Variants in WWOX observed in about 807,000 individuals in gnomAD.
WWOX encodes the protein WW domain-containing oxidoreductase.
A neutral mutation model predicts 46.2 loss-of-function variants in WWOX; 69 were observed. The observed-to-expected ratio is 1.49, with a 90% CI of 1.23 to 1.82. The LOEUF is 1.82. WWOX is among the 40% of genes most tolerant of loss of function. WWOX has a pLI of 0.00. For missense variants in WWOX, 919 were observed against 542.6 expected, an observed-to-expected ratio of 1.69 and a Z score of -6.89; for synonymous variants, 359 against 202.6, an observed-to-expected ratio of 1.77 and a Z score of -6.56.
intron 8 of WWOX, among the ~76,000 whole-genome samples, chr16:78,982,853 G>C (rs961415069): frequency 2.0e-5 from 3 of 152,086 alleles, no homozygotes; most frequent in African/African-American, 7.2e-5. Context: ...TCCTTCCTGT[G>C]ATGGCTAAAC....
Position 78,528,165 on chromosome 16 carries a change from ATTT to A in WWOX, c.1056+95433_1056+95435del, listed in dbSNP as rs56803717. Among the ~76,000 whole-genome samples the A allele has an allele frequency of 1.6e-3, 93 of 58,394 alleles. 2 individuals are homozygous for A. The highest frequency in any genetic ancestry group is 7.6e-3 in the African/African-American group (91 of 11,960). 38.3% of individuals were successfully genotyped at this position (58,394 alleles called of 152,430 possible). A position where few individuals can be genotyped will look rare whatever the true frequency, so the allele number is the denominator to read the frequency against. On this transcript the variant is annotated intron_variant, in intron 8 of 8. Coordinates refer to ENST00000566780, the MANE Select transcript of WWOX (RefSeq NM_016373.4). ...AGGTGCCCGCCACCACACCTGGCTA[ATTT>A]TTTTTTTTTTTTTTTTTTTGCATTT...
intron 5 of WWOX, among the ~76,000 whole-genome samples, chr16:78,197,058 G>T (rs1205580704): frequency 2.0e-5 from 3 of 152,198 alleles, no homozygotes; most frequent in African/African-American, 4.8e-5. Flanking sequence ...GTTAGTGGGA[G>T]TTGAGAGCCA....
At position 78,426,915 on chromosome 16, in the gene WWOX, G is replaced by C. The variant is rs538402151; in HGVS notation, c.791+1860G>C. Among the ~76,000 whole-genome samples the C allele has an allele frequency of 1.2e-4, 19 of 152,302 alleles. No individual in the cohort carries two copies. In the South Asian group the frequency reaches 3.7e-3, roughly 30 times the overall value. On this transcript the variant is annotated intron_variant, in intron 7 of 8. Transcript: ENST00000566780. Reference sequence around the variant, plus strand: ...TTGACCTTGTGATCCGCCTGCCTTGGCTTCTCACAGTGCTGTGATTACAGG... The same window carrying C: ...TTGACCTTGTGATCCGCCTGCCTTGCCTTCTCACAGTGCTGTGATTACAGG...
At chr16:78,865,408 C>A (rs1245335998) in intron 8 of WWOX, among the ~76,000 whole-genome samples, 1 of 152,222 alleles carries the variant, frequency 6.6e-6, no homozygotes, top group Non-Finnish European at 1.5e-5. Flanking sequence ...TAAATCTTTA[C>A]ACTCCAGTGG....
intron 1 of WWOX, among the ~76,000 whole-genome samples, chr16:78,102,787 A>T (rs192795259): frequency 5.3e-4 from 80 of 151,946 alleles, no homozygotes; most frequent in Middle Eastern, 6.8e-3. Context: ...TGTTCATCTG[A>T]GTGTCCCCAG....
intron 8 of WWOX, among the ~76,000 whole-genome samples, chr16:78,653,647 C>G (rs1422475079): frequency 6.6e-6 from 1 of 152,218 alleles, no homozygotes; most frequent in Non-Finnish European, 1.5e-5. Context: ...TTGAAAATGA[C>G]CCTGTGTAGG....
At chr16:78,475,935 T>G (rs1271620992) in intron 8 of WWOX, among the ~76,000 whole-genome samples, 7 of 152,194 alleles carry the variant, frequency 4.6e-5, no homozygotes, top group Non-Finnish European at 8.8e-5. Flanking sequence ...ATGTGTCTCT[T>G]ATTAATTTAT....
At chr16:78,467,536 A>C (rs936899393) in intron 8 of WWOX, among the ~76,000 whole-genome samples, 3 of 152,170 alleles carry the variant, frequency 2.0e-5, no homozygotes, top group African/African-American at 7.2e-5. Context: ...TTTAGTTTAA[A>C]CTGACTGTAA....
chr16:78,903,244 G>T (rs1387030308), intron 8 of WWOX, among the ~76,000 whole-genome samples: 2 of 152,158 alleles, frequency 1.3e-5, no homozygotes, highest in Non-Finnish European at 2.9e-5. Flanking sequence ...AGTCTTATTG[G>T]TTGCAGAAAG....
At chr16:78,471,715 A>G (rs547732299) in intron 8 of WWOX, among the ~76,000 whole-genome samples, 1 of 152,208 alleles carries the variant, frequency 6.6e-6, no homozygotes, top group Non-Finnish European at 1.5e-5. Context: ...AAAAATATAT[A>G]AGCAATAGTC....
chr16:78,646,663 G>C (rs2046852305), intron 8 of WWOX, among the ~76,000 whole-genome samples: 1 of 152,148 alleles, frequency 6.6e-6, no homozygotes, highest in African/African-American at 2.4e-5. Flanking sequence ...CCTGACCTCA[G>C]GTGATCCGCC....
At position 78,601,638 on chromosome 16, in the gene WWOX, A is replaced by G. The variant is rs1238518996; in HGVS notation, c.1056+168886A>G. Among the ~76,000 whole-genome samples the G allele has an allele frequency of 9.8e-5, 15 of 152,352 alleles. No individual in the cohort carries two copies. The East Asian group carries it at 2.7e-3, about 27-fold the overall frequency. On this transcript the variant is annotated intron_variant, in intron 8 of 8. Coordinates refer to ENST00000566780, the MANE Select transcript of WWOX (RefSeq NM_016373.4). ...ACTTTCTAATGTAAATCAAGAAGCTATGAATACCATAATAAGAATGTGGTA... is the reference window on the plus strand; with the variant it reads ...ACTTTCTAATGTAAATCAAGAAGCTGTGAATACCATAATAAGAATGTGGTA...
At chr16:78,596,273 A>G (rs1432419167) in intron 8 of WWOX, among the ~76,000 whole-genome samples, 4 of 152,312 alleles carry the variant, frequency 2.6e-5, no homozygotes, top group South Asian at 2.1e-4. Context: ...GTTTCATGCA[A>G]TAGAAACGTT....
At chr16:78,527,476 T>C (rs542122793) in intron 8 of WWOX, among the ~76,000 whole-genome samples, 1 of 152,082 alleles carries the variant, frequency 6.6e-6, no homozygotes, top group Non-Finnish European at 1.5e-5. Context: ...GTATTTTTTG[T>C]AGAGGTGGAG....
chr16:78,927,901 C>G (rs565394814), intron 8 of WWOX, among the ~76,000 whole-genome samples: 2 of 152,138 alleles, frequency 1.3e-5, no homozygotes, highest in Admixed American at 6.5e-5. Flanking sequence ...CAGACACTTA[C>G]ATATTCCTAG....
chr16:79,127,935 A>G (rs566685424), intron 8 of WWOX, among the ~76,000 whole-genome samples: 1 of 152,336 alleles, frequency 6.6e-6, no homozygotes, highest in Admixed American at 6.5e-5. Context: ...TACAACTTGC[A>G]GTAGTCCACA....
chr16:79,137,535 C>T (rs528318698), intron 8 of WWOX, among the ~76,000 whole-genome samples: 1 of 152,240 alleles, frequency 6.6e-6, no homozygotes, highest in Admixed American at 6.5e-5. Context: ...GTGGCATTGT[C>T]CCGAGGCAAC....
intron 6 of WWOX, among the ~76,000 whole-genome samples, chr16:78,407,508 C>T (rs766756871): frequency 1.2e-4 from 18 of 152,188 alleles, no homozygotes; most frequent in Non-Finnish European, 2.5e-4. Context: ...AACAATTTCA[C>T]TTACAAATCT....
intron 8 of WWOX, among the ~76,000 whole-genome samples, chr16:78,742,401 G>C (rs949212039): frequency 1.3e-5 from 2 of 152,120 alleles, no homozygotes; most frequent in Admixed American, 6.5e-5. Flanking sequence ...CAGCGCCCTG[G>C]CTTCTGTGTC....
Sources: allele counts gnomAD v4.1 joint callset (sites outside exome capture counted in the v4.1 genomes callset), GRCh38; gene constraint gnomAD v4.1.1; transcripts MANE v1.5; gene names NCBI Gene and HGNC (gene_info 2026-07-23, HGNC 2026-07-21).